Variants in MAP3K15 observed in about 807,000 individuals in gnomAD.
MAP3K15 encodes MAPK/ERK kinase kinase 15.
A neutral mutation model predicts 99.5 loss-of-function variants in MAP3K15; 124 were observed. The observed-to-expected ratio is 1.25, with a 90% CI of 1.08 to 1.45. The LOEUF (loss-of-function observed/expected upper bound fraction) is 1.45. MAP3K15 is among the 40% of genes most tolerant of loss of function. The probability of loss-of-function intolerance (pLI) is 0.00; values close to 1 mark genes in which losing one functional copy is unlikely to be tolerated. For synonymous variants in MAP3K15, 494 were observed against 439.6 expected (o/e 1.12, Z -1.55); for missense variants, 1,242 against 1,079.7 (o/e 1.15, Z -2.11).
At chrX:19,399,617 C>T (rs1427996950) in intron 14 of MAP3K15, among the ~76,000 whole-genome samples, 2 of 108,326 alleles carry the variant, frequency 1.8e-5, no homozygotes, top group Non-Finnish European at 3.8e-5. Flanking sequence ...GCCTGTAGTC[C>T]CAGCTACATG....
At chrX:19,428,046 A>T (rs1178678578) in intron 7 of MAP3K15, among the ~76,000 whole-genome samples, 3 of 111,634 alleles carry the variant, frequency 2.7e-5, no homozygotes, top group African/African-American at 9.8e-5. Context: ...CCAGAAGTCA[A>T]GCAGGCCCAA....
At chrX:19,370,900 G>T in intron 24 of MAP3K15, 59 bp downstream of exon 24, 1 of 853,103 alleles carries the variant, frequency 1.2e-6, no homozygotes, top group Non-Finnish European at 1.7e-6. Context: ...TGAATGAAGA[G>T]GATATTTCTT....
intron 6 of MAP3K15, among the ~76,000 whole-genome samples, chrX:19,446,411 A>ACT (rs888565166): frequency 8.2e-5 from 9 of 109,471 alleles, no homozygotes; most frequent in African/African-American, 2.3e-4. Context: ...GGTCCAAATC[A>ACT]CTCTCTCTCT....
intron 9 of MAP3K15, among the ~76,000 whole-genome samples, chrX:19,424,812 ATTT>A (rs34164536): frequency 3.1e-5 from 3 of 95,291 alleles, no homozygotes; most frequent in Non-Finnish European, 6.4e-5. Flanking sequence ...ATGCCTGGCT[ATTT>A]TTTTTTTTTT....
chrX:19,414,620 G>A (rs1461085743), intron 10 of MAP3K15, among the ~76,000 whole-genome samples: 2 of 112,505 alleles, frequency 1.8e-5, no homozygotes, highest in African/African-American at 6.5e-5. Flanking sequence ...TGGCCTTAGA[G>A]GCAAACCAAA....
chrX:19,403,516 T>G (rs182321495), intron 13 of MAP3K15, among the ~76,000 whole-genome samples: 1,664 of 103,149 alleles, frequency 0.016, 48 homozygotes, highest in African/African-American at 0.058. Context: ...TGGAGTGCAG[T>G]GGCATGATCA....
chrX:19,386,925 G>A (rs1042258926), intron 18 of MAP3K15, among the ~76,000 whole-genome samples: 1 of 111,320 alleles, frequency 9.0e-6, no homozygotes, highest in Non-Finnish European at 1.9e-5. Flanking sequence ...TGGGCCCAGG[G>A]CAACTCAAGC....
intron 1 of MAP3K15, among the ~76,000 whole-genome samples, chrX:19,507,533 G>A (rs2064485773): frequency 1.2e-5 from 1 of 85,538 alleles, no homozygotes; most frequent in East Asian, 3.7e-4. Flanking sequence ...AGCCGTGATC[G>A]CGCTACTGCA....
chrX:19,464,445 A>C lies in MAP3K15; in HGVS notation c.526-39T>G. On this transcript the variant is annotated intron_variant, in intron 3 of 28. Coordinates refer to ENST00000338883, the MANE Select transcript of MAP3K15 (RefSeq NM_001001671.4). The stretch of plus-strand genomic sequence containing the variant: ...ACAAAGATGTTCCAGAAAGTAACTT[A>C]TGTGGAAGTGTAGGCTCTGGGCAGG... The C allele has an allele frequency of 2.8e-6, 3 of 1,085,869 alleles. No homozygotes were observed. In the South Asian group the frequency reaches 6.2e-5, roughly 22 times the overall value. 89.5% of individuals were successfully genotyped at this position (1,085,869 alleles called of 1,213,427 possible).
chrX:19,371,861 G>C (rs1043202041), intron 22 of MAP3K15, among the ~76,000 whole-genome samples: 2 of 111,587 alleles, frequency 1.8e-5, no homozygotes, highest in South Asian at 7.4e-4. Flanking sequence ...GGCCGGGCAC[G>C]GTGGCTCACA....
intron 19 of MAP3K15, among the ~76,000 whole-genome samples, chrX:19,377,905 T>C (rs948782599): frequency 1.7e-4 from 19 of 112,280 alleles, no homozygotes; most frequent in African/African-American, 5.5e-4. Context: ...TCTTGTCGAC[T>C]TGAGGTCTTG....
chrX:19,361,479 T>C lies in MAP3K15; in HGVS notation c.3780+14A>G. The C allele has an allele frequency of 2.5e-6, 3 of 1,202,532 alleles. No individual in the cohort carries two copies. The highest frequency in any genetic ancestry group is 3.4e-6 in the Non-Finnish European group (3 of 887,312). On this transcript the variant is annotated intron_variant, in intron 27 of 28. Transcript: ENST00000338883. ...TGTAACAACAGCATAAGAATTTCTT[T>C]GTTGTAAATTTACCTTTTCAATTGT...
At chrX:19,425,945 C>G (rs749786537) in intron 8 of MAP3K15, among the ~76,000 whole-genome samples, 1 of 110,318 alleles carries the variant, frequency 9.1e-6, no homozygotes, top group Non-Finnish European at 1.9e-5. Context: ...ATGGTGAAAC[C>G]CCATCTCTAC....
intron 1 of MAP3K15, among the ~76,000 whole-genome samples, chrX:19,503,750 C>G (rs2064456273): frequency 9.1e-6 from 1 of 110,360 alleles, no homozygotes; most frequent in Non-Finnish European, 1.9e-5. Context: ...AGTCTTAAGG[C>G]ATTTTTCAGG....
intron 6 of MAP3K15, among the ~76,000 whole-genome samples, chrX:19,438,358 T>C (rs1054924182): frequency 4.5e-5 from 5 of 112,158 alleles, no homozygotes; most frequent in African/African-American, 1.6e-4. Flanking sequence ...TCCTCTCGCC[T>C]TGGCCTCCCA....
intron 18 of MAP3K15, among the ~76,000 whole-genome samples, chrX:19,387,359 T>A (rs774136267): frequency 6.3e-5 from 7 of 111,590 alleles, no homozygotes; most frequent in Admixed American, 1.9e-4. Flanking sequence ...AATACTGCCT[T>A]AGGGTTTATC....
Position 19,360,757 on chromosome X carries a change from T to G in MAP3K15, c.3934A>C (p.Lys1312Gln). 1 of 1,207,206 alleles carries G rather than the reference T, an allele frequency of 8.3e-7. No homozygotes were observed. The highest frequency in any genetic ancestry group is 3.0e-5 in the East Asian group (1 of 33,782). ...RAQEASETKD[K>Q]A ...AGCTTAGCTGATTGGTATCAAGCCTTGTCTTTGGTTTCTGAGGCCTCCTGA... is the reference window on the plus strand; with the variant it reads ...AGCTTAGCTGATTGGTATCAAGCCTGGTCTTTGGTTTCTGAGGCCTCCTGA... Residue 1312 changes from lysine (K) to glutamine (Q), a missense_variant, in exon 29 of 29, where the codon AAG (lysine) becomes CAG (glutamine). Physicochemically the swap from Lys to Gln is moderately conservative, Grantham distance 53. Coordinates refer to ENST00000338883, the MANE Select transcript of MAP3K15 (RefSeq NM_001001671.4).
chrX:19,466,442 C>T (rs985763381), intron 3 of MAP3K15, among the ~76,000 whole-genome samples: 6 of 110,806 alleles, frequency 5.4e-5, no homozygotes, highest in African/African-American at 2.0e-4. Context: ...TCATGAGACC[C>T]GATGGTTTTA....
intron 3 of MAP3K15, among the ~76,000 whole-genome samples, chrX:19,481,722 C>G (rs1329736094): frequency 9.0e-6 from 1 of 111,418 alleles, no homozygotes; most frequent in Non-Finnish European, 1.9e-5. Context: ...TAAAAGTACA[C>G]TCAGGTATCA....
Sources: gnomAD v4.1 joint callset for allele counts (sites outside exome capture counted in the v4.1 genomes callset) on GRCh38, gnomAD v4.1.1 for gene constraint, MANE v1.5 for transcripts, NCBI Gene and HGNC (gene_info 2026-07-23, HGNC 2026-07-21) for gene names.